The following DNAAF9 variants were observed in gnomAD, a reference collection of about 807,000 sequenced individuals.
DNAAF9 encodes shulin.
Under a neutral mutation model 167.0 loss-of-function variants are expected in DNAAF9, and 90 were observed. The ratio of observed to expected loss-of-function variants is 0.54; its 90% CI spans 0.45 to 0.64. The LOEUF (loss-of-function observed/expected upper bound fraction) is 0.64, where lower values mean the gene tolerates loss of function less well. Among genes scored for constraint, DNAAF9 ranks in the 30% least tolerant of loss-of-function variants. DNAAF9 has a pLI of 0.00. For synonymous variants in DNAAF9, 491 were observed against 508.8 expected, an observed-to-expected ratio of 0.96 and a Z score of 0.47; for missense variants, 1,315 against 1,442.2, an observed-to-expected ratio of 0.91 and a Z score of 1.43.
At chr20:3,362,317 G>A (rs956734608) in intron 6 of DNAAF9, 51 of 890,720 alleles carry the variant, frequency 5.7e-5, no homozygotes, top group African/African-American at 1.7e-4. Flanking sequence ...GCCTGTGGTG[G>A]CTGCCATCTT....
In DNAAF9 at chr20:3,256,201, C is replaced by T. The variant is rs773757507; in HGVS notation, c.3066G>A (p.Arg1022=). Residue 1022 remains arginine, a synonymous_variant, in exon 34 of 37, where the codon AGG becomes AGA. Coordinates refer to ENST00000252032, the MANE Select transcript of DNAAF9 (RefSeq NM_001009984.3). The part of the protein sequence containing the change: ...LGKVKFSDSE[R]TMEVCYNTLA... Reference sequence around the variant, plus strand: ...GTGTGTTGTAGCAGACCTCCATGGTCCTCTCAGAGTCTGTAAGGAGAATAC... The same window carrying T: ...GTGTGTTGTAGCAGACCTCCATGGTTCTCTCAGAGTCTGTAAGGAGAATAC... The T allele has an allele frequency of 8.7e-6, 14 of 1,613,442 alleles. No individual in the cohort carries two copies. Among genetic ancestry groups the T allele is most frequent in the Non-Finnish European group, 1.2e-5 (14 of 1,179,500 alleles).
chr20:3,337,440 G>GTTTTTTTTTTTTTTTTT (rs55881467), intron 10 of DNAAF9, among the ~76,000 whole-genome samples: 3 of 134,394 alleles, frequency 2.2e-5, no homozygotes, highest in Admixed American at 7.6e-5. Flanking sequence ...CTTTTTTTTT[G>GTTTTTTTTTTTTTTTTT]TTTTTTTTTT....
intron 1 of DNAAF9, among the ~76,000 whole-genome samples, chr20:3,383,509 C>T (rs1171601241): frequency 6.6e-6 from 1 of 151,868 alleles, no homozygotes; most frequent in African/African-American, 2.4e-5. Flanking sequence ...CTCAGGTGAT[C>T]CGTCCGCCTC....
At chr20:3,283,422 G>C (rs769786270) in intron 27 of DNAAF9, among the ~76,000 whole-genome samples, 2 of 152,360 alleles carry the variant, frequency 1.3e-5, no homozygotes, top group African/African-American at 4.8e-5. Context: ...AGTAGAGAAC[G>C]GGGTTTACTA....
At chr20:3,331,088 G>A (rs184493551) in intron 11 of DNAAF9, among the ~76,000 whole-genome samples, 2 of 152,202 alleles carry the variant, frequency 1.3e-5, no homozygotes, top group East Asian at 3.9e-4. Context: ...ACCATGCCCA[G>A]CCTACTTTTT....
At position 3,262,412 on chromosome 20, in the gene DNAAF9, G is replaced by A. The variant is rs541602426; in HGVS notation, c.2873+2026C>T. The stretch of plus-strand genomic sequence containing the variant: ...ACTACAGGTGCCTGCCACCATGCCC[G>A]GCTAACTTTTGTATTTTTAATAGAG... On this transcript the variant is annotated intron_variant, in intron 31 of 36. Coordinates refer to ENST00000252032, the MANE Select transcript of DNAAF9 (RefSeq NM_001009984.3). Among the ~76,000 whole-genome samples, 354 of 152,018 alleles carry A rather than the reference G, an allele frequency of 2.3e-3. 2 individuals carry two copies. Among genetic ancestry groups the A allele is most frequent in the African/African-American group, 8.1e-3 (336 of 41,460 alleles).
rs1160385787 is a variant in DNAAF9, at chr20:3,249,317, T to TA, written c.*3254dup. The TA allele has an allele frequency of 6.6e-6, 1 of 152,242 alleles. No homozygotes were observed. The highest frequency in any genetic ancestry group is 1.5e-5 in the Non-Finnish European group (1 of 68,044). 9.4% of individuals were successfully genotyped at this position (152,242 alleles called of 1,614,324 possible). ...TCTGGAGGCCTTGCTTGTTCAGTGA[T>TA]AGTTTATTGGTCCTTAGCATGACAT... On this transcript the variant is annotated 3_prime_UTR_variant, in exon 37 of 37. Coordinates refer to ENST00000252032, the MANE Select transcript of DNAAF9 (RefSeq NM_001009984.3).
intron 20 of DNAAF9, 94 bp from the exon 21 acceptor site, chr20:3,304,637 C>A: frequency 1.5e-6 from 1 of 684,782 alleles, no homozygotes; most frequent in South Asian, 1.7e-5. Context: ...TAACTAGAGG[C>A]CAGTATCAGT....
At chr20:3,382,314 G>A (rs1279075251) in intron 2 of DNAAF9, 113 bp downstream of exon 2, 3 of 791,834 alleles carry the variant, frequency 3.8e-6, no homozygotes, top group South Asian at 1.5e-5. Context: ...CAAGAACTAG[G>A]AGGACACCAA....
chr20:3,343,789 A>C, intron 8 of DNAAF9, 58 bp from the exon 9 acceptor site: 1 of 1,289,770 alleles, frequency 7.8e-7, no homozygotes, highest in Non-Finnish European at 1.1e-6. Context: ...ACAGTCATAA[A>C]ACCCCTCACA....
intron 30 of DNAAF9, among the ~76,000 whole-genome samples, chr20:3,265,860 A>G (rs1432935619): frequency 6.6e-6 from 1 of 151,656 alleles, no homozygotes; most frequent in Non-Finnish European, 1.5e-5. Flanking sequence ...GTATTTTTTA[A>G]ATAGAGACAG....
In DNAAF9 at chr20:3,315,054, G is replaced by C. The variant is rs765997519; in HGVS notation, c.1657C>G (p.Leu553Val). 1.2e-6 allele frequency: 2 copies of C among 1,608,798 alleles called. No individual in the cohort carries two copies. Among genetic ancestry groups the C allele is most frequent in the South Asian group, 2.2e-5 (2 of 90,970 alleles). Reference sequence around the variant, plus strand: ...TTACCTTCCTCAGGCCAGGACTGTAGATTGCTGGAATAAAGATATGCTCCT... The same window carrying C: ...TTACCTTCCTCAGGCCAGGACTGTACATTGCTGGAATAAAGATATGCTCCT... ...GEGAYLYSSNLQSWPEEGNVH... is the reference protein window; with the variant it reads ...GEGAYLYSSNVQSWPEEGNVH... Residue 553 changes from leucine to valine, a missense_variant, in exon 20 of 37, where the codon CTA (leucine) becomes GTA (valine). Transcript: ENST00000252032. The surrounding 1 kb of genome is among the most constrained non-coding windows in gnomAD (Gnocchi z 4.1).
intron 34 of DNAAF9, 65 bp downstream of exon 34, chr20:3,255,941 G>A (rs971866072): frequency 3.9e-5 from 50 of 1,277,748 alleles, no homozygotes; most frequent in Non-Finnish European, 5.0e-5. Flanking sequence ...GCTTCTCAGG[G>A]CCAACAGCAG....
chr20:3,270,452 G>T lies in DNAAF9; in HGVS notation c.2761C>A (p.Leu921Ile), dbSNP rs780904216. The change falls in exon 30 of 37, where the codon CTT (leucine) becomes ATT (isoleucine). Residue 921 changes from leucine (L) to isoleucine (I), a missense_variant. This residue lies in a region of DNAAF9 where 334 missense variants were observed against 429.7 expected (regional missense o/e 0.78). Coordinates refer to ENST00000252032, the MANE Select transcript of DNAAF9 (RefSeq NM_001009984.3). ...RAANPAAAFI[L>I]AENGIVTRNE... ...CTGGTGACAATCCCATTTTCTGCAA[G>T]AATGAAGGCTGCAGCAGGATTGGCA... 7 of 1,613,810 alleles carry T rather than the reference G, an allele frequency of 4.3e-6. No individual in the cohort carries two copies. In the South Asian group the frequency reaches 7.7e-5, roughly 18 times the overall value.
chr20:3,330,790 A>AT lies in DNAAF9; in HGVS notation c.1064-109_1064-108insA. 3 of 431,008 alleles carry AT rather than the reference A, an allele frequency of 7.0e-6. No homozygotes were observed. The South Asian group carries it at 1.3e-4, about 18-fold the overall frequency. The allele number at this position is 431,008 out of a possible 1,614,324, so 26.7% of individuals were successfully genotyped here. On this transcript the variant is annotated intron_variant, in intron 11 of 36. Coordinates refer to ENST00000252032, the MANE Select transcript of DNAAF9 (RefSeq NM_001009984.3). ...CCTGGAAGGCATTGTCAAGAACTAC[A>AT]CTTTTTTTTTTTTTTTTTTGAGACA...
At position 3,281,630 on chromosome 20, in the gene DNAAF9, CCT is replaced by C; in HGVS notation, c.2612+9_2612+10del. 1 of 1,598,648 alleles carries C rather than the reference CCT, an allele frequency of 6.3e-7. No individual in the cohort carries two copies. Among genetic ancestry groups the C allele is most frequent in the Non-Finnish European group, 8.5e-7 (1 of 1,174,498 alleles). On this transcript the variant is annotated intron_variant, in intron 28 of 36. Coordinates refer to ENST00000252032, the MANE Select transcript of DNAAF9 (RefSeq NM_001009984.3). Reference sequence around the variant, plus strand: ...CTTTCAGTACACTTACACACCATATCCTGTATCTACCTGTGCTCCATGTAGCA... The same window carrying C: ...CTTTCAGTACACTTACACACCATATCGTATCTACCTGTGCTCCATGTAGCA...
At chr20:3,297,013 T>C (rs535436277) in intron 22 of DNAAF9, 64 bp from the exon 23 acceptor site, 144 of 887,062 alleles carry the variant, frequency 1.6e-4, no homozygotes, top group South Asian at 5.0e-4. Context: ...GGAAGCCACA[T>C]GGGGATTTGA....
intron 25 of DNAAF9, among the ~76,000 whole-genome samples, chr20:3,293,292 CAAA>C (rs1172725572): frequency 1.3e-4 from 3 of 22,860 alleles, no homozygotes; most frequent in African/African-American, 1.7e-4. Context: ...GACTCCGTCT[CAAA>C]AAAAAAAAAA....
At chr20:3,271,609 T>C (rs2068593734) in intron 29 of DNAAF9, among the ~76,000 whole-genome samples, 1 of 149,322 alleles carries the variant, frequency 6.7e-6, no homozygotes, top group African/African-American at 2.5e-5. Context: ...TATTCAATAA[T>C]TTTTATTTAC....
Sources: gnomAD v4.1 joint callset for allele counts (sites outside exome capture counted in the v4.1 genomes callset) on GRCh38, gnomAD v4.1.1 for gene constraint, gnomAD v4.1.1 regional missense constraint, Gnocchi (gnomAD v3.1) non-coding constraint, MANE v1.5 for transcripts, NCBI Gene and HGNC (gene_info 2026-07-23, HGNC 2026-07-21) for gene names.